The following LIN28B variants were observed in gnomAD, a reference collection of about 807,000 sequenced individuals.
The protein encoded by LIN28B is lin-28 RNA binding posttranscriptional regulator B, also known as protein lin-28 homolog B.
Under a neutral mutation model 21.9 loss-of-function variants are expected in LIN28B, and 5 were observed. That is an observed-to-expected ratio of 0.23 (90% CI 0.12 to 0.48). LIN28B has a LOEUF of 0.48. Ranked by LOEUF, LIN28B falls within the 20% of genes least tolerant of loss-of-function variation. The pLI is 0.98. For missense variants in LIN28B, 245 were observed against 310.5 expected (o/e 0.79, Z 1.58); for synonymous variants, 109 against 111.3 (o/e 0.98, Z 0.13).
rs9399903 is a variant in LIN28B at position 105,028,878 on chromosome 6, C to G, written c.383+2396C>G. Among the ~76,000 whole-genome samples the G allele has an allele frequency of 3.2e-3, 485 of 152,150 alleles. 26 individuals carry two copies. The East Asian group carries it at 0.086, about 27-fold the overall frequency. ...ACATAGGTAAGAAGAGGACTAAGCC[C>G]TGGGGCACTCTAGCATTTAAGAGTC... On this transcript the variant is annotated intron_variant, in intron 3 of 3. Coordinates refer to ENST00000345080, the MANE Select transcript of LIN28B (RefSeq NM_001004317.4).
chr6:104,990,297 G>A (rs1770434030), intron 2 of LIN28B, among the ~76,000 whole-genome samples: 1 of 151,198 alleles, frequency 6.6e-6, no homozygotes, highest in South Asian at 2.1e-4. Flanking sequence ...CAGGCATAGC[G>A]TTTTACATAT....
intron 3 of LIN28B, among the ~76,000 whole-genome samples, chr6:105,044,734 T>G (rs1304207866): frequency 6.6e-6 from 1 of 152,196 alleles, no homozygotes; most frequent in Non-Finnish European, 1.5e-5. Context: ...GTTTTAGGGG[T>G]ACAAGTGGCT....
chr6:105,046,177 C>T (rs1771756504), intron 3 of LIN28B, among the ~76,000 whole-genome samples: 1 of 152,104 alleles, frequency 6.6e-6, no homozygotes, highest in Admixed American at 6.5e-5. Context: ...TCCCTCCACC[C>T]CATGACAGGC....
intron 2 of LIN28B, among the ~76,000 whole-genome samples, chr6:104,997,932 C>T (rs1460610169): frequency 1.3e-5 from 2 of 152,028 alleles, no homozygotes; most frequent in Non-Finnish European, 2.9e-5. Context: ...TTTGAAAAGA[C>T]TGTCTTATTT....
intron 2 of LIN28B, among the ~76,000 whole-genome samples, chr6:104,942,854 A>G (rs1334601171): frequency 6.6e-6 from 1 of 152,132 alleles, no homozygotes; most frequent in East Asian, 1.9e-4. Context: ...AATTTAAGGA[A>G]TTGGATCGGG....
At chr6:104,996,212 C>G (rs1050685005) in intron 2 of LIN28B, among the ~76,000 whole-genome samples, 1 of 152,118 alleles carries the variant, frequency 6.6e-6, no homozygotes, top group Non-Finnish European at 1.5e-5. Flanking sequence ...AGGAGTCATT[C>G]TGTGGTTGGG....
rs1160647945 is a variant in LIN28B, at chr6:105,024,181, G to A, written c.199-2117G>A. ...TTTTTTGTATTTTTTTAGTAGAGACGGGGTTTTGCCACGTTGGCCAGGCTG... is the reference window on the plus strand; with the variant it reads ...TTTTTTGTATTTTTTTAGTAGAGACAGGGTTTTGCCACGTTGGCCAGGCTG... On this transcript the variant is annotated intron_variant, in intron 2 of 3. Transcript: ENST00000345080. Among the ~76,000 whole-genome samples, 7 of 151,886 alleles carry A rather than the reference G, an allele frequency of 4.6e-5. 1 individual carries two copies. The highest frequency in any genetic ancestry group is 3.9e-4 in the East Asian group (2 of 5,176).
chr6:104,974,488 CAA>C (rs375405881), intron 2 of LIN28B, among the ~76,000 whole-genome samples: 14 of 64,998 alleles, frequency 2.2e-4, no homozygotes, highest in East Asian at 4.4e-4. Context: ...GACTCCATCT[CAA>C]AAAAAAAAAA....
chr6:105,058,225 A>G (rs891537442), intron 3 of LIN28B: 2 of 213,936 alleles, frequency 9.3e-6, no homozygotes, highest in South Asian at 5.5e-5. Context: ...AACACCATAT[A>G]GCATCTGGCT....
chr6:105,000,836 T>C (rs1770704487), intron 2 of LIN28B, among the ~76,000 whole-genome samples: 2 of 152,182 alleles, frequency 1.3e-5, no homozygotes. Flanking sequence ...TACAGAAAGC[T>C]GAATTAATAT....
At chr6:104,957,925 A>G (rs1268486479) in intron 1 of LIN28B, among the ~76,000 whole-genome samples, 174 bp from the exon 2 acceptor site, 1 of 151,640 alleles carries the variant, frequency 6.6e-6, no homozygotes, top group Non-Finnish European at 1.5e-5. Flanking sequence ...TTTCCTTTTA[A>G]CCCTTTTCAT....
At chr6:104,994,940 C>T (rs77898951) in intron 2 of LIN28B, among the ~76,000 whole-genome samples, 2,118 of 152,260 alleles carry the variant, frequency 0.014, 25 homozygotes, top group Middle Eastern at 0.02. Context: ...TGAGTTATCC[C>T]TAACTGGAAA....
intron 3 of LIN28B, among the ~76,000 whole-genome samples, chr6:105,046,905 T>A (rs1477455471): frequency 6.6e-6 from 1 of 152,202 alleles, no homozygotes; most frequent in Non-Finnish European, 1.5e-5. Context: ...TCTTTGTAGA[T>A]TCTGGATATT....
rs769586597 is a variant in LIN28B at position 104,958,111 on chromosome 6, A to G, written c.23A>G (p.Lys8Arg). MAEGGASKGGGEEPGKLP... is the reference protein window; with the variant it reads MAEGGASRGGGEEPGKLP... Reference sequence around the variant, plus strand: ...TGTTCCTTCTCAGGCGGGGCTAGCAAAGGTGGTGGAGAAGAGCCCGGGAAG... The same window carrying G: ...TGTTCCTTCTCAGGCGGGGCTAGCAGAGGTGGTGGAGAAGAGCCCGGGAAG... The change falls in exon 2 of 4, where the codon AAA becomes AGA. Residue 8 changes from lysine to arginine, a missense_variant. By Grantham distance (26) the Lys-to-Arg change is conservative (BLOSUM62 2). Coordinates refer to ENST00000345080, the MANE Select transcript of LIN28B (RefSeq NM_001004317.4). 1.3e-6 allele frequency: 2 copies of G among 1,588,828 alleles called. No individual in the cohort carries two copies. Among genetic ancestry groups the G allele is most frequent in the Non-Finnish European group, 8.6e-7 (1 of 1,162,140 alleles).
chr6:104,993,833 C>CAA (rs568787406), intron 2 of LIN28B, among the ~76,000 whole-genome samples: 2,483 of 89,090 alleles, frequency 0.028, 102 homozygotes, highest in African/African-American at 0.092. Flanking sequence ...GAGATTGTCT[C>CAA]AAAAAAAAAA....
intron 2 of LIN28B, among the ~76,000 whole-genome samples, chr6:104,991,489 C>A (rs1267868718): frequency 6.7e-6 from 1 of 148,642 alleles, no homozygotes; most frequent in Admixed American, 6.7e-5. Flanking sequence ...ACTTCCTAGA[C>A]GGGATGGCGG....
chr6:104,941,148 AGAG>A (rs1778083315), intron 2 of LIN28B: 1 of 152,160 alleles, frequency 6.6e-6, no homozygotes, highest in African/African-American at 2.4e-5. Context: ...CAGGAAGAAA[AGAG>A]GAGGCGCGAG....
intron 3 of LIN28B, among the ~76,000 whole-genome samples, chr6:105,039,848 A>G (rs1771597614): frequency 6.6e-6 from 1 of 152,094 alleles, no homozygotes. Flanking sequence ...GTAAAGATTT[A>G]GGGGAAAGTT....
intron 2 of LIN28B, among the ~76,000 whole-genome samples, chr6:104,997,228 C>A (rs1369870207): frequency 6.6e-6 from 1 of 150,722 alleles, no homozygotes; most frequent in Non-Finnish European, 1.5e-5. Flanking sequence ...TTGCAGTGAG[C>A]CAAGATCGCG....
Sources: gnomAD v4.1 joint callset for allele counts (sites outside exome capture counted in the v4.1 genomes callset) on GRCh38, gnomAD v4.1.1 for gene constraint, MANE v1.5 for transcripts, NCBI Gene and HGNC (gene_info 2026-07-23, HGNC 2026-07-21) for gene names.